CFAP299: variants seen among roughly 807,000 people sequenced by gnomAD.
CFAP299 encodes cilia- and flagella-associated protein 299.
Under a neutral mutation model 27.0 loss-of-function variants are expected in CFAP299, and 21 were observed. That is an observed-to-expected ratio of 0.78 (90% confidence interval 0.55 to 1.12). The LOEUF (loss-of-function observed/expected upper bound fraction) is 1.12. Ranked by LOEUF, CFAP299 falls within the 50% of genes most tolerant of loss-of-function variation. The pLI is 0.00. For missense variants in CFAP299, 310 were observed against 276.6 expected (o/e 1.12, Z -0.86); for synonymous variants, 104 against 98.1 (o/e 1.06, Z -0.36).
intron 3 of CFAP299, among the ~76,000 whole-genome samples, chr4:80,767,136 T>C (rs1560740967): frequency 6.6e-6 from 1 of 152,116 alleles, no homozygotes; most frequent in African/African-American, 2.4e-5. Flanking sequence ...ACATACATTG[T>C]ATGTATTTTC....
At chr4:80,904,295 G>A (rs747693736) in intron 4 of CFAP299, among the ~76,000 whole-genome samples, 4 of 152,088 alleles carry the variant, frequency 2.6e-5, no homozygotes, top group Non-Finnish European at 5.9e-5. Context: ...ATAAGATTGG[G>A]AATAGTTTCA....
At position 80,374,261 on chromosome 4, in the gene CFAP299, T is replaced by C. The variant is rs547638823; in HGVS notation, c.242+11377T>C. Among the ~76,000 whole-genome samples the C allele has an allele frequency of 3.9e-5, 6 of 152,296 alleles. No homozygotes were observed. In the South Asian group the frequency reaches 1.2e-3, roughly 32 times the overall value. On this transcript the variant is annotated intron_variant, in intron 2 of 5. Transcript: ENST00000358105. ...AGTCCAATGAGTCCCTCTAGTCTTG[T>C]TGGTACAAGTCCTAGGTCTTGTAGT...
At chr4:80,358,021 G>T (rs1723357581) in intron 1 of CFAP299, among the ~76,000 whole-genome samples, 1 of 152,066 alleles carries the variant, frequency 6.6e-6, no homozygotes, top group South Asian at 2.1e-4. Flanking sequence ...GTGTCCCAGA[G>T]ATTCTAGCAT....
intron 4 of CFAP299, among the ~76,000 whole-genome samples, chr4:80,900,537 T>A (rs1251011243): frequency 6.6e-6 from 1 of 152,094 alleles, no homozygotes; most frequent in Non-Finnish European, 1.5e-5. Flanking sequence ...TCTAAATAAA[T>A]CTGTTGCTAG....
intron 3 of CFAP299, among the ~76,000 whole-genome samples, chr4:80,776,690 C>A (rs183530286): frequency 2.6e-5 from 4 of 151,928 alleles, no homozygotes; most frequent in African/African-American, 9.7e-5. Flanking sequence ...CACCATGGCA[C>A]ATGTATACCT....
At chr4:80,835,296 C>T (rs1378397510) in intron 3 of CFAP299, among the ~76,000 whole-genome samples, 1 of 151,988 alleles carries the variant, frequency 6.6e-6, no homozygotes, top group African/African-American at 2.4e-5. Flanking sequence ...GACGGGGTTT[C>T]ACCATGTTAG....
intron 3 of CFAP299, among the ~76,000 whole-genome samples, chr4:80,659,297 A>G (rs1403298908): frequency 6.6e-6 from 1 of 152,084 alleles, no homozygotes; most frequent in Non-Finnish European, 1.5e-5. Flanking sequence ...AAAATGCATT[A>G]AGATGACTGT....
intron 3 of CFAP299, among the ~76,000 whole-genome samples, chr4:80,844,547 GTCT>G (rs965650317): frequency 5.9e-5 from 9 of 152,172 alleles, no homozygotes; most frequent in Non-Finnish European, 1.2e-4. Context: ...CTGCATAAAT[GTCT>G]TCTTTTGAGA....
chr4:80,735,927 G>A (rs1386834983), intron 3 of CFAP299, among the ~76,000 whole-genome samples: 4 of 151,776 alleles, frequency 2.6e-5, no homozygotes, highest in Non-Finnish European at 5.9e-5. Context: ...TCTTTTTTTG[G>A]TATCAGGGTA....
At chr4:80,353,848 G>T (rs1265957826) in intron 1 of CFAP299, among the ~76,000 whole-genome samples, 3 of 152,140 alleles carry the variant, frequency 2.0e-5, no homozygotes, top group Non-Finnish European at 4.4e-5. Flanking sequence ...GTGGAGAAAA[G>T]AAGCAATACT....
chr4:80,601,706 T>C (rs1737357980), intron 3 of CFAP299, among the ~76,000 whole-genome samples: 1 of 152,148 alleles, frequency 6.6e-6, no homozygotes, highest in Non-Finnish European at 1.5e-5. Context: ...GGCTATTGCT[T>C]GATCCGGGTG....
At chr4:80,786,608 A>T (rs928262623) in intron 3 of CFAP299, among the ~76,000 whole-genome samples, 1 of 152,140 alleles carries the variant, frequency 6.6e-6, no homozygotes, top group African/African-American at 2.4e-5. Context: ...ACAAACCTCA[A>T]CCAATTATAG....
At chr4:80,491,311 T>G (rs1379409952) in intron 2 of CFAP299, among the ~76,000 whole-genome samples, 1 of 152,148 alleles carries the variant, frequency 6.6e-6, no homozygotes, top group Non-Finnish European at 1.5e-5. Flanking sequence ...ATAAAGGTAG[T>G]AAATTAAACT....
At chr4:80,503,980 A>G (rs1306351152) in intron 2 of CFAP299, among the ~76,000 whole-genome samples, 1 of 150,594 alleles carries the variant, frequency 6.6e-6, no homozygotes, top group East Asian at 1.9e-4. Flanking sequence ...ATTTATGAGC[A>G]AAGAAACATG....
At position 80,841,405 on chromosome 4, in the gene CFAP299, A is replaced by G. The variant is rs558148485; in HGVS notation, c.334-28588A>G. Among the ~76,000 whole-genome samples, 8 of 152,238 alleles carry G rather than the reference A, an allele frequency of 5.3e-5. No individual in the cohort carries two copies. In the South Asian group the frequency reaches 1.5e-3, roughly 28 times the overall value. On this transcript the variant is annotated intron_variant, in intron 3 of 5. Transcript: ENST00000358105. ...AAAGTTCCTGTACAAATACCATTCT[A>G]TAAATCTTCACTGTCATGTTCCAAC... is the stretch of plus-strand genomic sequence containing the variant.
intron 3 of CFAP299, among the ~76,000 whole-genome samples, chr4:80,679,090 G>A (rs562003771): frequency 1.3e-5 from 2 of 152,030 alleles, no homozygotes; most frequent in East Asian, 3.9e-4. Flanking sequence ...CCTGTCCTCT[G>A]TTAACCTCTA....
intron 4 of CFAP299, among the ~76,000 whole-genome samples, chr4:80,897,987 T>TGGGCACTG (rs1342508944): frequency 6.6e-6 from 1 of 152,120 alleles, no homozygotes; most frequent in Non-Finnish European, 1.5e-5. Context: ...CAAGTGCTTT[T>TGGGCACTG]GGGCACTGGC....
Position 80,944,816 on chromosome 4 carries a change from C to T in CFAP299, c.483C>T (p.Tyr161=). 5 of 1,597,552 alleles carry T rather than the reference C, an allele frequency of 3.1e-6. No individual in the cohort carries two copies. The highest frequency in any genetic ancestry group is 4.3e-6 in the Non-Finnish European group (5 of 1,170,204). Residue 161 remains tyrosine, a synonymous_variant, in exon 5 of 6, where the codon TAC becomes TAT. Coordinates refer to ENST00000358105, the MANE Select transcript of CFAP299 (RefSeq NM_152770.3). The part of the protein sequence containing the change: ...LLPRPTDISF[Y]NWDADIAVSN... ...TAAATGTTTATTTTTATAGCTTTTA[C>T]AACTGGGACGCTGATATTGCTGTTA... is the stretch of plus-strand genomic sequence containing the variant.
intron 3 of CFAP299, 156 bp downstream of exon 3, chr4:80,583,339 G>T (rs1291645742): frequency 2.6e-6 from 1 of 382,106 alleles, no homozygotes; most frequent in Non-Finnish European, 4.7e-6. Context: ...TACATAGAAA[G>T]TTAAAAATTA....
Sources: allele counts gnomAD v4.1 joint callset (sites outside exome capture counted in the v4.1 genomes callset), GRCh38; gene constraint gnomAD v4.1.1; transcripts MANE v1.5; gene names NCBI Gene and HGNC (gene_info 2026-07-23, HGNC 2026-07-21).